RAB2A: variants seen among roughly 807,000 people sequenced by gnomAD.
RAB2A encodes the protein RAB2A, member RAS oncogene family, also known as ras-related protein Rab-2A.
RAB2A carries 7 observed loss-of-function variants against 32.5 expected under a neutral mutation model. That is an observed-to-expected ratio of 0.22 (90% CI 0.12 to 0.40). The LOEUF (loss-of-function observed/expected upper bound fraction) is 0.40, where lower values mean the gene tolerates loss of function less well. Ranked by LOEUF, RAB2A falls within the 10% of genes least tolerant of loss-of-function variation. The pLI is 1.00. For synonymous variants in RAB2A, 79 were observed against 85.2 expected (o/e 0.93, Z 0.40); for missense variants, 108 against 260.7 (o/e 0.41, Z 4.03).
At chr8:60,585,009 A>T (rs1049339076) in intron 5 of RAB2A, among the ~76,000 whole-genome samples, 194 bp downstream of exon 5, 5 of 152,208 alleles carry the variant, frequency 3.3e-5, no homozygotes, top group African/African-American at 1.2e-4. Flanking sequence ...TACTGTTATT[A>T]TTAGAAATAG....
chr8:60,610,900 C>T (rs1318302876), intron 6 of RAB2A, among the ~76,000 whole-genome samples: 1 of 152,178 alleles, frequency 6.6e-6, no homozygotes, highest in Non-Finnish European at 1.5e-5. Context: ...CCCACTTGTA[C>T]GATGTATTAG....
intron 3 of RAB2A, among the ~76,000 whole-genome samples, chr8:60,580,059 T>C (rs1421093676): frequency 6.6e-6 from 1 of 151,124 alleles, no homozygotes; most frequent in Non-Finnish European, 1.5e-5. Context: ...TGCAATGGCA[T>C]GATCTCGGCT....
intron 1 of RAB2A, among the ~76,000 whole-genome samples, chr8:60,543,603 C>T (rs1353664159): frequency 1.3e-5 from 2 of 152,198 alleles, no homozygotes; most frequent in Non-Finnish European, 2.9e-5. Flanking sequence ...AGGGTCAGGA[C>T]TTGGACATAT....
intron 2 of RAB2A, chr8:60,559,189 G>T (rs572054978): frequency 2.9e-6 from 1 of 339,864 alleles, no homozygotes; most frequent in African/African-American, 2.2e-5. Flanking sequence ...CAATTTAAGA[G>T]ACAGTATCCA....
chr8:60,617,700 G>A lies in RAB2A; in HGVS notation c.475-880G>A, dbSNP rs1383703690. ...GCAGAGGTTGCAGTGAACCGAGATT[G>A]CGCCGCTGCACTCCATCCTAGGCGA... On this transcript the variant is annotated intron_variant, in intron 6 of 7. Coordinates refer to ENST00000262646, the MANE Select transcript of RAB2A (RefSeq NM_002865.3). Among the ~76,000 whole-genome samples the A allele has an allele frequency of 3.3e-5, 5 of 152,108 alleles. No homozygotes were observed. The East Asian group carries it at 7.7e-4, about 23-fold the overall frequency.
chr8:60,531,819 T>TA (rs397803053), intron 1 of RAB2A, among the ~76,000 whole-genome samples: 7 of 148,594 alleles, frequency 4.7e-5, no homozygotes, highest in East Asian at 1.9e-4. Context: ...TTTTTTTTTT[T>TA]AACACGGATT....
intron 6 of RAB2A, among the ~76,000 whole-genome samples, chr8:60,595,746 A>G (rs1256188139): frequency 6.6e-6 from 1 of 152,220 alleles, no homozygotes; most frequent in African/African-American, 2.4e-5. Context: ...GCGAGGAGAA[A>G]TAGAGAAATT....
intron 5 of RAB2A, among the ~76,000 whole-genome samples, chr8:60,589,076 T>C (rs1218269917): frequency 6.6e-6 from 1 of 152,188 alleles, no homozygotes; most frequent in Non-Finnish European, 1.5e-5. Context: ...CTTTCTATGA[T>C]GGAAATAGTT....
At chr8:60,560,488 C>G (rs1808005564) in intron 2 of RAB2A, among the ~76,000 whole-genome samples, 1 of 152,200 alleles carries the variant, frequency 6.6e-6, no homozygotes. Flanking sequence ...TCTAAGACAA[C>G]TGGCAAAACA....
Position 60,551,423 on chromosome 8 carries a change from A to G in RAB2A, c.47-7429A>G, listed in dbSNP as rs117388134. On this transcript the variant is annotated intron_variant, in intron 1 of 7. Coordinates refer to ENST00000262646, the MANE Select transcript of RAB2A (RefSeq NM_002865.3). Reference sequence around the variant, plus strand: ...GTTTTACTATTGATGGTAGCAACAAACATTTGTTGAATTCTTTTTTGAAAC... The same window carrying G: ...GTTTTACTATTGATGGTAGCAACAAGCATTTGTTGAATTCTTTTTTGAAAC... Among the ~76,000 whole-genome samples, 101 of 152,338 alleles carry G rather than the reference A, an allele frequency of 6.6e-4. No individual in the cohort carries two copies. In the Middle Eastern group the frequency reaches 0.017, roughly 26 times the overall value.
intron 1 of RAB2A, among the ~76,000 whole-genome samples, chr8:60,528,353 T>C (rs967897716): frequency 2.0e-5 from 3 of 152,248 alleles, no homozygotes; most frequent in African/African-American, 7.2e-5. Context: ...TGATTATATC[T>C]TTTTTATCCT....
chr8:60,529,628 C>T (rs1346837732), intron 1 of RAB2A, among the ~76,000 whole-genome samples: 1 of 152,126 alleles, frequency 6.6e-6, no homozygotes, highest in Non-Finnish European at 1.5e-5. Context: ...AGGAAGTAAA[C>T]ATTACACTTG....
At chr8:60,608,099 T>TTTTGTTTG (rs144178736) in intron 6 of RAB2A, among the ~76,000 whole-genome samples, 2 of 151,542 alleles carry the variant, frequency 1.3e-5, no homozygotes, top group East Asian at 1.9e-4. Flanking sequence ...TTTTCTGGGT[T>TTTTGTTTG]TTTGTTTGTT....
intron 6 of RAB2A, among the ~76,000 whole-genome samples, chr8:60,610,297 A>C (rs1034806115): frequency 1.3e-5 from 2 of 152,200 alleles, no homozygotes; most frequent in South Asian, 2.1e-4. Context: ...CACATGACTT[A>C]CTAAGACATT....
At chr8:60,544,781 G>A (rs1013848745) in intron 1 of RAB2A, among the ~76,000 whole-genome samples, 5 of 152,084 alleles carry the variant, frequency 3.3e-5, no homozygotes, top group African/African-American at 1.2e-4. Context: ...AAATTATCCA[G>A]ATGGATTTGA....
At chr8:60,561,254 A>G (rs1002186166) in intron 2 of RAB2A, among the ~76,000 whole-genome samples, 10 of 152,086 alleles carry the variant, frequency 6.6e-5, no homozygotes, top group African/African-American at 1.7e-4. Context: ...CCTATGCCCT[A>G]TGTACTTAAG....
At chr8:60,583,951 A>G (rs564301498) in intron 3 of RAB2A, 4 of 299,490 alleles carry the variant, frequency 1.3e-5, no homozygotes, top group Admixed American at 4.1e-5. Context: ...GGGATTGCCA[A>G]AAAGGGTTTA....
At chr8:60,531,679 C>G (rs1278205072) in intron 1 of RAB2A, among the ~76,000 whole-genome samples, 1 of 151,916 alleles carries the variant, frequency 6.6e-6, no homozygotes, top group Non-Finnish European at 1.5e-5. Flanking sequence ...AAAGAAAGTT[C>G]TTTTCCATCT....
At chr8:60,529,210 T>G (rs1233012287) in intron 1 of RAB2A, among the ~76,000 whole-genome samples, 1 of 152,236 alleles carries the variant, frequency 6.6e-6, no homozygotes, top group African/African-American at 2.4e-5. Flanking sequence ...GAGACTAATT[T>G]TGTAGCCGAG....
Sources: gnomAD v4.1 joint callset for allele counts (sites outside exome capture counted in the v4.1 genomes callset) on GRCh38, gnomAD v4.1.1 for gene constraint, MANE v1.5 for transcripts, NCBI Gene and HGNC (gene_info 2026-07-23, HGNC 2026-07-21) for gene names.